DCAF17: variants seen among roughly 807,000 people sequenced by gnomAD.
DCAF17 encodes the protein DDB1- and CUL4-associated factor 17.
DCAF17 carries 48 observed loss-of-function variants against 66.0 expected under a neutral mutation model. That is an observed-to-expected ratio of 0.73 (90% CI 0.58 to 0.92). The LOEUF (loss-of-function observed/expected upper bound fraction) is 0.92, where lower values mean the gene tolerates loss of function less well. Among genes scored for constraint, DCAF17 ranks in the 40% least tolerant of loss-of-function variants. The pLI is 0.00. For missense variants in DCAF17, 562 were observed against 622.8 expected, an observed-to-expected ratio of 0.90 and a Z score of 1.04; for synonymous variants, 206 against 214.6, an observed-to-expected ratio of 0.96 and a Z score of 0.35.
intron 2 of DCAF17, among the ~76,000 whole-genome samples, chr2:171,436,718 A>G (rs555253518): frequency 1.3e-5 from 2 of 149,578 alleles, no homozygotes; most frequent in East Asian, 3.9e-4. Flanking sequence ...ACTTTCTCCC[A>G]TTGTGTAGAT....
chr2:171,452,005 G>A (rs762776852), intron 5 of DCAF17, among the ~76,000 whole-genome samples: 1 of 152,090 alleles, frequency 6.6e-6, no homozygotes. Context: ...CTCTTAGTTG[G>A]GGTATATAAA....
chr2:171,457,616 G>T (rs756611433), intron 6 of DCAF17, among the ~76,000 whole-genome samples: 18 of 152,174 alleles, frequency 1.2e-4, no homozygotes, highest in Non-Finnish European at 2.2e-4. Context: ...ATGAATAGTA[G>T]ATTAAATATT....
chr2:171,448,933 T>G, intron 4 of DCAF17, 116 bp downstream of exon 4: 2 of 893,780 alleles, frequency 2.2e-6, no homozygotes, highest in South Asian at 3.1e-5. Context: ...CAGATCTCAA[T>G]TAATAAACCT....
At chr2:171,437,441 T>G (rs1694039576) in intron 2 of DCAF17, among the ~76,000 whole-genome samples, 1 of 152,268 alleles carries the variant, frequency 6.6e-6, no homozygotes, top group Non-Finnish European at 1.5e-5. Context: ...TCTGTTCCAC[T>G]GATCTGTATG....
At chr2:171,445,324 C>A (rs539178611) in intron 3 of DCAF17, among the ~76,000 whole-genome samples, 3 of 152,248 alleles carry the variant, frequency 2.0e-5, no homozygotes, top group Admixed American at 1.3e-4. Flanking sequence ...GGGGTTTCAC[C>A]ATGTTGGCCA....
In DCAF17 at chr2:171,482,404, T is replaced by C. The variant is rs1419963846; in HGVS notation, c.*1290T>C. On this transcript the variant is annotated 3_prime_UTR_variant, in exon 14 of 14. Coordinates refer to ENST00000375255, the MANE Select transcript of DCAF17 (RefSeq NM_025000.4). ...TGGCTTGATGCCATGTTAAGAATGA[T>C]GTGAATTCTTCCCAGTTCTGCCCTG... 1 of 454,090 alleles carries C rather than the reference T, an allele frequency of 2.2e-6. No homozygotes were observed. The highest frequency in any genetic ancestry group is 4.4e-6 in the Non-Finnish European group (1 of 226,770). The allele number at this position is 454,090 out of a possible 1,614,324, so 28.1% of individuals were successfully genotyped here.
chr2:171,458,134 A>ATT (rs58636477), intron 7 of DCAF17, 59 bp downstream of exon 7: 2,694 of 1,264,284 alleles, frequency 2.1e-3, no homozygotes, highest in Non-Finnish European at 2.7e-3. Flanking sequence ...CTAAAGTATG[A>ATT]TTTTTTTTTT....
At position 171,484,801 on chromosome 2, in the gene DCAF17, T is replaced by C. The variant is rs1696884910; in HGVS notation, c.*3687T>C. 1 of 453,958 alleles carries C rather than the reference T, an allele frequency of 2.2e-6. No homozygotes were observed. Among genetic ancestry groups the C allele is most frequent in the African/African-American group, 2.0e-5 (1 of 50,002 alleles). 28.1% of individuals were successfully genotyped at this position (453,958 alleles called of 1,614,324 possible). On this transcript the variant is annotated 3_prime_UTR_variant, in exon 14 of 14. Coordinates refer to ENST00000375255, the MANE Select transcript of DCAF17 (RefSeq NM_025000.4). ...GTTCTCATTCTTTTATATCAAAGGT[T>C]AAATTTACCTGTTCTAAACTTCATA...
intron 6 of DCAF17, among the ~76,000 whole-genome samples, chr2:171,455,546 G>T (rs193025083): frequency 2.6e-5 from 4 of 152,196 alleles, no homozygotes; most frequent in African/African-American, 9.7e-5. Flanking sequence ...GGATTGCAGG[G>T]TTAAATGGTA....
chr2:171,474,336 A>G, intron 10 of DCAF17: 1 of 262,162 alleles, frequency 3.8e-6, no homozygotes, highest in Non-Finnish European at 7.4e-6. Flanking sequence ...GATTGTTTGA[A>G]GTAAATCTTG....
At chr2:171,480,416 GT>G (rs1559294533) in intron 13 of DCAF17, among the ~76,000 whole-genome samples, 4 of 152,056 alleles carry the variant, frequency 2.6e-5, no homozygotes, top group African/African-American at 9.7e-5. Context: ...AACTTCATGT[GT>G]TTTCCTGAGA....
At chr2:171,478,215 T>A in intron 12 of DCAF17, 145 bp downstream of exon 12, 2 of 722,090 alleles carry the variant, frequency 2.8e-6, no homozygotes, top group East Asian at 2.7e-5. Flanking sequence ...GCATGCTATT[T>A]CAACCAGTGC....
At chr2:171,448,201 C>T (rs1259245190) in intron 3 of DCAF17, among the ~76,000 whole-genome samples, 1 of 151,962 alleles carries the variant, frequency 6.6e-6, no homozygotes, top group Non-Finnish European at 1.5e-5. Context: ...GCATAGTCAT[C>T]ACTCACTGCA....
At position 171,480,026 on chromosome 2, in the gene DCAF17, T is replaced by C; in HGVS notation, c.1267-12T>C. 1 of 1,612,866 alleles carries C rather than the reference T, an allele frequency of 6.2e-7. No homozygotes were observed. Among genetic ancestry groups the C allele is most frequent in the Non-Finnish European group, 8.5e-7 (1 of 1,179,464 alleles). ...TGCCCCTTTCCCTCTATTTTATCTATCTATCCCAAAGACTTTCAAAATTGT... is the reference window on the plus strand; with the variant it reads ...TGCCCCTTTCCCTCTATTTTATCTACCTATCCCAAAGACTTTCAAAATTGT... On this transcript the variant is annotated splice_polypyrimidine_tract_variant and intron_variant, in intron 12 of 13. Coordinates refer to ENST00000375255, the MANE Select transcript of DCAF17 (RefSeq NM_025000.4).
intron 8 of DCAF17, among the ~76,000 whole-genome samples, chr2:171,458,964 T>C (rs1266139654): frequency 6.6e-6 from 1 of 152,164 alleles, no homozygotes; most frequent in Non-Finnish European, 1.5e-5. Context: ...TACAAGTCTA[T>C]AAATATAGTA....
rs755912021 is a variant in DCAF17 at position 171,482,143 on chromosome 2, T to G, written c.*1029T>G. ...AATAATCATTCTTTAGAATGTTAAA[T>G]AAAGGCAACCCAAGTAAAGGGAGAA... is the stretch of plus-strand genomic sequence containing the variant. On this transcript the variant is annotated 3_prime_UTR_variant, in exon 14 of 14. Transcript: ENST00000375255. 3.3e-5 allele frequency: 15 copies of G among 448,134 alleles called. No individual in the cohort carries two copies. Among genetic ancestry groups the G allele is most frequent in the South Asian group, 2.4e-4 (15 of 62,802 alleles). The allele number at this position is 448,134 out of a possible 1,614,324, so 27.8% of individuals were successfully genotyped here.
rs756655038 is a variant in DCAF17 at position 171,443,544 on chromosome 2, A to G, written c.252A>G (p.Lys84=). ...CVSSVASEPR[K]LYEMPKCSKS... ...CCAGTGTTGCATCTGAGCCAAGAAA[A>G]CTTTATGAAATGCCAAAATGTTCCA... The change falls in exon 3 of 14, where the codon AAA becomes AAG. Residue 84 remains lysine (K), a synonymous_variant. Transcript: ENST00000375255. The G allele has an allele frequency of 1.9e-6, 3 of 1,612,772 alleles. No homozygotes were observed. The highest frequency in any genetic ancestry group is 2.5e-6 in the Non-Finnish European group (3 of 1,179,392).
At chr2:171,437,165 T>G (rs1694022352) in intron 2 of DCAF17, among the ~76,000 whole-genome samples, 1 of 152,202 alleles carries the variant, frequency 6.6e-6, no homozygotes, top group Non-Finnish European at 1.5e-5. Context: ...CATTGCAAAA[T>G]TTGAGGTCAT....
rs1447239824 is a variant in DCAF17 at position 171,434,414 on chromosome 2, C to G, written c.-164C>G. ...GCAAGCGGCTCTGCTTTCCCTCGCCCCGCCGTCGGGTGCTCCCTGCCCGCC... is the reference window on the plus strand; with the variant it reads ...GCAAGCGGCTCTGCTTTCCCTCGCCGCGCCGTCGGGTGCTCCCTGCCCGCC... On this transcript the variant is annotated 5_prime_UTR_variant, in exon 1 of 14. Transcript: ENST00000375255. 8.0e-7 allele frequency: 1 copy of G among 1,250,728 alleles called. No homozygotes were observed. The highest frequency in any genetic ancestry group is 2.6e-5 in the East Asian group (1 of 38,622). The allele number at this position is 1,250,728 out of a possible 1,614,324, so 77.5% of individuals were successfully genotyped here. A position where few individuals can be genotyped will look rare whatever the true frequency, so the allele number is the denominator to read the frequency against.
Sources: gnomAD v4.1 joint callset for allele counts (sites outside exome capture counted in the v4.1 genomes callset) on GRCh38, gnomAD v4.1.1 for gene constraint, MANE v1.5 for transcripts, NCBI Gene and HGNC (gene_info 2026-07-23, HGNC 2026-07-21) for gene names.